Variants in KEL observed in about 807,000 individuals in gnomAD.
KEL encodes the protein kell blood group glycoprotein.
A neutral mutation model predicts 99.5 loss-of-function variants in KEL; 96 were observed. That is an observed-to-expected ratio of 0.97 (90% CI 0.82 to 1.14). The LOEUF is 1.14. Ranked by LOEUF, KEL falls within the 50% of genes most tolerant of loss-of-function variation. The probability of loss-of-function intolerance (pLI) is 0.00; values close to 1 mark genes in which losing one functional copy is unlikely to be tolerated. For synonymous variants in KEL, 355 were observed against 354.8 expected (o/e 1.00, Z -0.01); for missense variants, 926 against 924.2 (o/e 1.00, Z -0.03).
chr7:142,946,117 C>T (rs189626869), intron 11 of KEL, 90 bp downstream of exon 11: 2 of 917,990 alleles, frequency 2.2e-6, no homozygotes, highest in Admixed American at 4.0e-5. Context: ...TCACACACAC[C>T]ACTGAGAAAG....
In KEL at chr7:142,943,033, C is replaced by T. The variant is rs1401787269; in HGVS notation, c.1783G>A (p.Gly595Ser). The T allele has an allele frequency of 1.2e-6, 2 of 1,614,048 alleles. No homozygotes were observed. Among genetic ancestry groups the T allele is most frequent in the Non-Finnish European group, 1.7e-6 (2 of 1,180,012 alleles). ...GCATGGTTGTCACAGGCGAGGCAGC[C>T]CCCAGGCAGTACTGTTGAAAATGGG... is the stretch of plus-strand genomic sequence containing the variant. Reference protein sequence around the residue: ...HIFYQLLLPGGCLACDNHALQ... With the variant: ...HIFYQLLLPGSCLACDNHALQ... Residue 595 changes from glycine to serine, a missense_variant, in exon 17 of 19, where the codon GGC becomes AGC. Coordinates refer to ENST00000355265, the MANE Select transcript of KEL (RefSeq NM_000420.3).
At position 142,942,911 on chromosome 7, in the gene KEL, A is replaced by G. The variant is rs775667424; in HGVS notation, c.1905T>C (p.Asn635=). 1 of 1,614,178 alleles carries G rather than the reference A, an allele frequency of 6.2e-7. No individual in the cohort carries two copies. The highest frequency in any genetic ancestry group is 8.5e-7 in the Non-Finnish European group (1 of 1,180,030). ...SFNDSLTFLE[N]AADVGGLAIA... ...TGGCTAGCCCCCCAACGTCTGCAGC[A>G]TTCTCTAAGAATGTGAGGGAGTCAT... Residue 635 remains asparagine (N), a synonymous_variant, in exon 17 of 19, where the codon AAT becomes AAC. Coordinates refer to ENST00000355265, the MANE Select transcript of KEL (RefSeq NM_000420.3).
chr7:142,946,173 G>T, intron 11 of KEL, 34 bp downstream of exon 11: 1 of 1,434,886 alleles, frequency 7.0e-7, no homozygotes, highest in Non-Finnish European at 9.8e-7. Flanking sequence ...AGGAAGGGGT[G>T]GAGGGATGTG....
Position 142,960,918 on chromosome 7 carries a change from C to T in KEL, c.400+10G>A. On this transcript the variant is annotated intron_variant, in intron 4 of 18. Transcript: ENST00000355265. ...CTTGCACAGAGCATCTTCCACCCTG[C>T]TTTCCTCACCCAGTATTCTCCGAAG... 1 of 1,614,070 alleles carries T rather than the reference C, an allele frequency of 6.2e-7. No homozygotes were observed. The highest frequency in any genetic ancestry group is 8.5e-7 in the Non-Finnish European group (1 of 1,179,898).
intron 2 of KEL, 61 bp from the exon 3 acceptor site, chr7:142,961,562 G>A (rs1271796471): frequency 6.6e-7 from 1 of 1,525,036 alleles, no homozygotes; most frequent in Non-Finnish European, 9.0e-7. Context: ...GGGATGGGAA[G>A]AAGAGGAGAG....
chr7:142,961,514 C>A lies in KEL; in HGVS notation c.82-13G>T, dbSNP rs1220086844. ...CTTCTGGAGTGCTCTGTGGGAGGAA[C>A]CAAGAGGTGAAAGATACAAGATGGG... On this transcript the variant is annotated splice_polypyrimidine_tract_variant and intron_variant, in intron 2 of 18. Coordinates refer to ENST00000355265, the MANE Select transcript of KEL (RefSeq NM_000420.3). 1.9e-6 allele frequency: 3 copies of A among 1,583,680 alleles called. No homozygotes were observed. The highest frequency in any genetic ancestry group is 2.3e-5 in the East Asian group (1 of 43,460).
intron 6 of KEL, among the ~76,000 whole-genome samples, chr7:142,955,924 T>C (rs1796820120): frequency 6.6e-6 from 1 of 152,192 alleles, no homozygotes; most frequent in Non-Finnish European, 1.5e-5. Context: ...TCATTCCTTC[T>C]TCTCTGAGCT....
chr7:142,950,178 C>A (rs1796646399), intron 10 of KEL, among the ~76,000 whole-genome samples: 1 of 152,196 alleles, frequency 6.6e-6, no homozygotes, highest in Non-Finnish European at 1.5e-5. Flanking sequence ...AAAATATGTT[C>A]TTTTAAAACA....
At chr7:142,956,770 G>T (rs956548322) in intron 6 of KEL, among the ~76,000 whole-genome samples, 7 of 152,176 alleles carry the variant, frequency 4.6e-5, no homozygotes, top group African/African-American at 1.7e-4. Context: ...GCCCCTAAAG[G>T]CCACATCAGT....
chr7:142,957,266 A>C (rs1360830336), intron 6 of KEL, among the ~76,000 whole-genome samples: 1 of 152,208 alleles, frequency 6.6e-6, no homozygotes, highest in Non-Finnish European at 1.5e-5. Context: ...TAGGCAAAGA[A>C]CTGAGGAATA....
At chr7:142,945,803 T>G (rs1307047123) in intron 11 of KEL, among the ~76,000 whole-genome samples, 1 of 152,100 alleles carries the variant, frequency 6.6e-6, no homozygotes, top group Non-Finnish European at 1.5e-5. Context: ...TAATTTTGTA[T>G]TTTTAGTAGA....
At chr7:142,943,986 C>G in intron 13 of KEL, 103 bp from the exon 14 acceptor site, 1 of 918,584 alleles carries the variant, frequency 1.1e-6, no homozygotes, top group South Asian at 1.4e-5. Flanking sequence ...CAAGCCCTGA[C>G]AGGCAGGCAT....
At chr7:142,948,411 T>C (rs1054159140) in intron 10 of KEL, among the ~76,000 whole-genome samples, 8 of 151,950 alleles carry the variant, frequency 5.3e-5, no homozygotes, top group Non-Finnish European at 1.2e-4. Flanking sequence ...ATATACAACC[T>C]CAGAACCACA....
At position 142,942,895 on chromosome 7, in the gene KEL, C is replaced by T; in HGVS notation, c.1921G>A (p.Gly641Arg). ...TFLENAADVG[G>R]LAIALQAYSK... The stretch of plus-strand genomic sequence containing the variant: ...CATACCTGCAGCGCGATGGCTAGCC[C>T]CCCAACGTCTGCAGCATTCTCTAAG... Residue 641 changes from glycine to arginine, a missense_variant, in exon 17 of 19, where the codon GGG becomes AGG. Coordinates refer to ENST00000355265, the MANE Select transcript of KEL (RefSeq NM_000420.3). 6.2e-7 allele frequency: 1 copy of T among 1,614,176 alleles called. No individual in the cohort carries two copies. Among genetic ancestry groups the T allele is most frequent in the Non-Finnish European group, 8.5e-7 (1 of 1,180,028 alleles).
At chr7:142,945,596 A>G (rs1339333636) in intron 11 of KEL, among the ~76,000 whole-genome samples, 7 of 151,364 alleles carry the variant, frequency 4.6e-5, no homozygotes, top group East Asian at 1.9e-4. Flanking sequence ...TAGCTACAAC[A>G]GGGAGGAGAC....
At chr7:142,952,699 G>C (rs545570085) in intron 9 of KEL, 61 bp from the exon 10 acceptor site, 1 of 1,596,232 alleles carries the variant, frequency 6.3e-7, no homozygotes, top group South Asian at 1.1e-5. Context: ...TTCAAGAAGA[G>C]CCTCTCCTTG....
chr7:142,958,602 C>A (rs8175973), intron 4 of KEL, among the ~76,000 whole-genome samples, 174 bp from the exon 5 acceptor site: 1 of 152,116 alleles, frequency 6.6e-6, no homozygotes, highest in African/African-American at 2.4e-5. Context: ...CATAACATTA[C>A]GAGACAAAGA....
rs1379759033 is a variant in KEL, at chr7:142,954,197, A to T, written c.911T>A (p.Ile304Asn). ...AQGKLFQMVT[I>N]DQLKEMAPAI... ...AGTTCCAGGCACCTTGAGCTGGTCGATAGTGACCATCTGGAAGAGCTTGCC... is the reference window on the plus strand; with the variant it reads ...AGTTCCAGGCACCTTGAGCTGGTCGTTAGTGACCATCTGGAAGAGCTTGCC... The change falls in exon 8 of 19, where the codon ATC becomes AAC. Residue 304 changes from isoleucine (I) to asparagine (N), a missense_variant. Ile to Asn is a moderately radical substitution (Grantham distance 149). Coordinates refer to ENST00000355265, the MANE Select transcript of KEL (RefSeq NM_000420.3). The T allele has an allele frequency of 1.2e-6, 2 of 1,610,864 alleles. No individual in the cohort carries two copies. Among genetic ancestry groups the T allele is most frequent in the Non-Finnish European group, 1.7e-6 (2 of 1,179,984 alleles).
intron 15 of KEL, 52 bp from the exon 16 acceptor site, chr7:142,943,395 C>G: frequency 1.2e-6 from 2 of 1,610,542 alleles, no homozygotes; most frequent in Admixed American, 1.7e-5. Context: ...CATTTGTGAC[C>G]CCAATTCTCC....
Sources: allele counts gnomAD v4.1 joint callset (sites outside exome capture counted in the v4.1 genomes callset), GRCh38; gene constraint gnomAD v4.1.1; transcripts MANE v1.5; gene names NCBI Gene and HGNC (gene_info 2026-07-23, HGNC 2026-07-21).